Variants in BAG6 observed in about 807,000 individuals in gnomAD.
BAG6 encodes BAG cochaperone 6.
A neutral mutation model predicts 121.0 loss-of-function variants in BAG6; 22 were observed. The ratio of observed to expected loss-of-function variants is 0.18; its 90% confidence interval spans 0.13 to 0.26. The LOEUF (loss-of-function observed/expected upper bound fraction) is 0.26, where lower values mean the gene tolerates loss of function less well. BAG6 is among the 10% of genes least tolerant of loss of function. The pLI is 1.00. For synonymous variants in BAG6, 583 were observed against 584.6 expected (o/e 1.00, Z 0.04); for missense variants, 1,233 against 1,537.7 (o/e 0.80, Z 3.31).
At position 31,644,306 on chromosome 6, in the gene BAG6, C is replaced by T. The variant is rs984580107; in HGVS notation, c.1555+1G>A. On this transcript the variant is annotated splice_donor_variant, in intron 12 of 25. Transcript: ENST00000676615. LOFTEE classifies it high-confidence loss of function. This position sits in a 1 kb window ranked among gnomAD's most constrained non-coding sequence, Gnocchi z 4.9. ...CCAAGCCTCCCCTTCCAGGTCATTA[C>T]CTGCGGCCGCGGAGGCAACAGCTGC... 7.7e-6 allele frequency: 12 copies of T among 1,552,210 alleles called. No individual in the cohort carries two copies. The highest frequency in any genetic ancestry group is 1.4e-5 in the African/African-American group (1 of 73,190).
chr6:31,640,612 T>C lies in BAG6; in HGVS notation c.2994+33A>G. 6.2e-7 allele frequency: 1 copy of C among 1,612,856 alleles called. No individual in the cohort carries two copies. The highest frequency in any genetic ancestry group is 8.5e-7 in the Non-Finnish European group (1 of 1,179,888). ...TCCCCCAGCCCTCCACTCCACATTA[T>C]CTGGCCCCTCAACCTCCCCCTCTCT... On this transcript the variant is annotated intron_variant, in intron 22 of 25. Transcript: ENST00000676615. The surrounding 1 kb of genome is among the most constrained non-coding windows in gnomAD (Gnocchi z 4.2).
rs747711385 is a variant in BAG6 at position 31,649,644 on chromosome 6, T to C, written c.109-17A>G. 2 of 1,598,288 alleles carry C rather than the reference T, an allele frequency of 1.3e-6. No homozygotes were observed. Among genetic ancestry groups the C allele is most frequent in the Non-Finnish European group, 1.7e-6 (2 of 1,165,910 alleles). On this transcript the variant is annotated splice_polypyrimidine_tract_variant and intron_variant, in intron 2 of 25. Coordinates refer to ENST00000676615, the MANE Select transcript of BAG6 (RefSeq NM_001387994.1). ...TACATTCATCTGAAAAGAAGAGGCATGCACAGGAATGGAAAGAATGGAGGA... is the reference window on the plus strand; with the variant it reads ...TACATTCATCTGAAAAGAAGAGGCACGCACAGGAATGGAAAGAATGGAGGA...
Position 31,644,380 on chromosome 6 carries a change from A to G in BAG6, c.1482T>C (p.Pro494=). ...GGTGGGCGACGGCGTGCATGAACTCAGGGGGCAGGGAGGGCAGCTGGATGA... is the reference window on the plus strand; with the variant it reads ...GGTGGGCGACGGCGTGCATGAACTCGGGGGGCAGGGAGGGCAGCTGGATGA... The part of the protein sequence containing the change: ...STLIQLPSLP[P]EFMHAVAHQI... The change falls in exon 12 of 26, where the codon CCT becomes CCC. Residue 494 remains proline, a synonymous_variant. Coordinates refer to ENST00000676615, the MANE Select transcript of BAG6 (RefSeq NM_001387994.1). This position sits in a 1 kb window ranked among gnomAD's most constrained non-coding sequence, Gnocchi z 4.9. 6.4e-7 allele frequency: 1 copy of G among 1,551,892 alleles called. No homozygotes were observed. The highest frequency in any genetic ancestry group is 8.7e-7 in the Non-Finnish European group (1 of 1,147,534).
In BAG6 at chr6:31,640,114, C is replaced by T; in HGVS notation, c.3246+85G>A. The T allele has an allele frequency of 1.5e-6, 2 of 1,354,842 alleles. No individual in the cohort carries two copies. The highest frequency in any genetic ancestry group is 2.4e-5 in the South Asian group (2 of 83,078). The allele number at this position is 1,354,842 out of a possible 1,614,324, so 83.9% of individuals were successfully genotyped here. ...GGGAGGGGAGACTGAATAACAAGAGCTCCCACCATCTCTACATAGTTTGAT... is the reference window on the plus strand; with the variant it reads ...GGGAGGGGAGACTGAATAACAAGAGTTCCCACCATCTCTACATAGTTTGAT... On this transcript the variant is annotated intron_variant, in intron 24 of 25. Transcript: ENST00000676615. The surrounding 1 kb of genome is among the most constrained non-coding windows in gnomAD (Gnocchi z 4.2).
intron 1 of BAG6, 24 bp from the exon 2 acceptor site, chr6:31,651,800 G>T (rs1212577130): frequency 6.3e-7 from 1 of 1,583,644 alleles, no homozygotes; most frequent in South Asian, 1.1e-5. Context: ...AAGGAAGGAA[G>T]GCCCGCTGTT....
At chr6:31,642,733 G>T in intron 15 of BAG6, 96 bp downstream of exon 15, 2 of 1,400,168 alleles carry the variant, frequency 1.4e-6, no homozygotes, top group Non-Finnish European at 2.0e-6. Flanking sequence ...GTCACTAGGG[G>T]CTCTTACCCA....
At position 31,643,240 on chromosome 6, in the gene BAG6, C is replaced by A. The variant is rs2150764760; in HGVS notation, c.1757-125G>T. ...CAGGAGTCTAGGCCACATAGCAAGA[C>A]CCCATCTCTACCAGAAAAAAAAAAA... On this transcript the variant is annotated intron_variant, in intron 14 of 25. Coordinates refer to ENST00000676615, the MANE Select transcript of BAG6 (RefSeq NM_001387994.1). 6.6e-6 allele frequency: 6 copies of A among 914,028 alleles called. 1 individual carries two copies. The highest frequency in any genetic ancestry group is 5.4e-5 in the East Asian group (2 of 36,904). 56.6% of individuals were successfully genotyped at this position (914,028 alleles called of 1,614,324 possible).
rs773094885 is a variant in BAG6 at position 31,640,478 on chromosome 6, G to A, written c.3045C>T (p.Ser1015=). 2 of 1,613,196 alleles carry A rather than the reference G, an allele frequency of 1.2e-6. No individual in the cohort carries two copies. Among genetic ancestry groups the A allele is most frequent in the East Asian group, 4.5e-5 (2 of 44,886 alleles). Residue 1015 remains serine, a synonymous_variant, in exon 23 of 26, where the codon TCC becomes TCT. Coordinates refer to ENST00000676615, the MANE Select transcript of BAG6 (RefSeq NM_001387994.1). The surrounding 1 kb of genome is among the most constrained non-coding windows in gnomAD (Gnocchi z 4.2). Reference sequence around the variant, plus strand: ...CCTCAGGAGCAGGAGGTGGACCTCGGGACATGGCCTCTTCTGCTGTTGTTC... The same window carrying A: ...CCTCAGGAGCAGGAGGTGGACCTCGAGACATGGCCTCTTCTGCTGTTGTTC... ...APGTTAEEAM[S]RGPPPAPEGG...
intron 15 of BAG6, 42 bp downstream of exon 15, chr6:31,642,787 G>T: frequency 6.3e-7 from 1 of 1,598,522 alleles, no homozygotes; most frequent in East Asian, 2.3e-5. Flanking sequence ...TGGCTGGGCC[G>T]GGGGACAGGA....
rs772148810 is a variant in BAG6, at chr6:31,640,211, G to C, written c.3234C>G (p.Ala1078=). 7 of 1,614,042 alleles carry C rather than the reference G, an allele frequency of 4.3e-6. No individual in the cohort carries two copies. Residue 1078 remains alanine (A), a synonymous_variant, in exon 24 of 26, where the codon GCC becomes GCG. Transcript: ENST00000676615. The surrounding 1 kb of genome is among the most constrained non-coding windows in gnomAD (Gnocchi z 4.2). ...GAGGAAAACCAACCTTGCGTCTCTT[G>C]GCAGGCATACCACTGAGGTAGGCAT... ...LSDAYLSGMP[A]KRRKTMQGEG...
Position 31,642,846 on chromosome 6 carries a change from T to C in BAG6, c.2026A>G (p.Met676Val), listed in dbSNP as rs1561898919. 1 of 1,612,544 alleles carries C rather than the reference T, an allele frequency of 6.2e-7. No individual in the cohort carries two copies. Among genetic ancestry groups the C allele is most frequent in the Non-Finnish European group, 8.5e-7 (1 of 1,179,428 alleles). Residue 676 changes from methionine (M) to valine (V), a missense_variant, in exon 15 of 26, where the codon ATG becomes GTG. Met to Val is a conservative substitution (Grantham distance 21, BLOSUM62 1). Coordinates refer to ENST00000676615, the MANE Select transcript of BAG6 (RefSeq NM_001387994.1). ...CCACTCACCTGCAAGAAGTCAGTCA[T>C]GCCTTGGAGAAAGGCAGGGACACCA... is the stretch of plus-strand genomic sequence containing the variant. ...MPGVPAFLQG[M>V]TDFLQATQTA...
At chr6:31,649,073 C>A (rs1166993113) in intron 4 of BAG6, 109 bp from the exon 5 acceptor site, 2 of 1,494,566 alleles carry the variant, frequency 1.3e-6, no homozygotes, top group African/African-American at 1.4e-5. Context: ...AAGACTGAGA[C>A]CAATAGCACA....
Position 31,647,648 on chromosome 6 carries a change from A to C in BAG6, c.731T>G (p.Leu244Arg). The C allele has an allele frequency of 1.2e-6, 2 of 1,604,726 alleles. No homozygotes were observed. Among genetic ancestry groups the C allele is most frequent in the Non-Finnish European group, 1.7e-6 (2 of 1,176,954 alleles). The part of the protein sequence containing the change: ...EERAPAQNPE[L>R]TPGPAPAGPT... ...GCCCGCTGGGGCTGGGCCAGGAGTG[A>C]GCTCCGGGTTCTGGGCTGGGGCACG... Residue 244 changes from leucine (L) to arginine (R), a missense_variant, in exon 7 of 26, where the codon CTC becomes CGC. Leu to Arg is a moderately radical substitution (Grantham distance 102). Transcript: ENST00000676615.
chr6:31,642,714 C>T, intron 15 of BAG6, 115 bp downstream of exon 15: 4 of 1,234,676 alleles, frequency 3.2e-6, no homozygotes, highest in South Asian at 1.4e-5. Context: ...GGGCCCCTTC[C>T]CCTAACATGT....
Position 31,643,994 on chromosome 6 carries a change from G to A in BAG6, c.1669-17C>T, listed in dbSNP as rs764781965. The A allele has an allele frequency of 8.1e-6, 13 of 1,613,892 alleles. No individual in the cohort carries two copies. Among genetic ancestry groups the A allele is most frequent in the Middle Eastern group, 1.6e-4 (1 of 6,084 alleles). On this transcript the variant is annotated splice_polypyrimidine_tract_variant and intron_variant, in intron 13 of 25. Transcript: ENST00000676615. ...GGCGCCCTGCTGGATAGAGAGCAAG[G>A]GAGAATTTCAGACCTGCCCTTCCAT... is the stretch of plus-strand genomic sequence containing the variant.
At chr6:31,639,385 G>GGA in intron 25 of BAG6, 115 bp downstream of exon 25, 1 of 1,516,316 alleles carries the variant, frequency 6.6e-7, no homozygotes, top group Non-Finnish European at 9.0e-7. Context: ...ATGCCAAAGG[G>GGA]GAAAACAAAT....
Position 31,648,046 on chromosome 6 carries a change from C to T in BAG6, c.553-220G>A, listed in dbSNP as rs530074325. 2.2e-4 allele frequency among the ~76,000 whole-genome samples: 32 copies of T among 148,148 alleles called. No homozygotes were observed. In the East Asian group the frequency reaches 5.3e-3, roughly 24 times the overall value. On this transcript the variant is annotated intron_variant, in intron 6 of 25. Transcript: ENST00000676615. ...TTTTTTTTTTTTTGAGACAGAGTCT[C>T]GCTCTGTTGCCCAGGCTGGAGTGCA...
rs912822736 is a variant in BAG6 at position 31,641,960 on chromosome 6, C to T, written c.2336-15G>A. ...CCCAAAGAATCCTGGGGGACAAGGG[C>T]AGATGTTAGCAATGGCCTTTACCAC... On this transcript the variant is annotated splice_polypyrimidine_tract_variant and intron_variant, in intron 16 of 25. Transcript: ENST00000676615. This position sits in a 1 kb window ranked among gnomAD's most constrained non-coding sequence, Gnocchi z 5.7. 6.2e-7 allele frequency: 1 copy of T among 1,612,004 alleles called. No individual in the cohort carries two copies. Among genetic ancestry groups the T allele is most frequent in the Non-Finnish European group, 8.5e-7 (1 of 1,179,326 alleles).
chr6:31,649,730 A>C, intron 2 of BAG6, 103 bp from the exon 3 acceptor site: 1 of 909,274 alleles, frequency 1.1e-6, no homozygotes, highest in Non-Finnish European at 1.8e-6. Flanking sequence ...ACCACCACAG[A>C]ATCACTACCC....
Sources: gnomAD v4.1 joint callset for allele counts (sites outside exome capture counted in the v4.1 genomes callset) on GRCh38, gnomAD v4.1.1 for gene constraint, Gnocchi (gnomAD v3.1) non-coding constraint, MANE v1.5 for transcripts, NCBI Gene and HGNC (gene_info 2026-07-23, HGNC 2026-07-21) for gene names.